The following R3HDM1 variants were observed in gnomAD, a reference collection of about 807,000 sequenced individuals.
R3HDM1 encodes the protein R3H domain-containing protein 1.
Under a neutral mutation model 141.1 loss-of-function variants are expected in R3HDM1, and 46 were observed. That is an observed-to-expected ratio of 0.33 (90% CI 0.26 to 0.42). The LOEUF (loss-of-function observed/expected upper bound fraction) is 0.42, where lower values mean the gene tolerates loss of function less well. Ranked by LOEUF, R3HDM1 falls within the 10% of genes least tolerant of loss-of-function variation. The pLI is 1.00. For missense variants in R3HDM1, 1,184 were observed against 1,368.3 expected (o/e 0.87, Z 2.12); for synonymous variants, 435 against 472.9 (o/e 0.92, Z 1.04).
chr2:135,634,800 A>G (rs1279824397), intron 9 of R3HDM1, among the ~76,000 whole-genome samples: 3 of 152,250 alleles, frequency 2.0e-5, no homozygotes, highest in South Asian at 2.1e-4. Flanking sequence ...TAGGAGTTCA[A>G]TGAGATTTTC....
At chr2:135,597,223 A>G in intron 1 of R3HDM1, 2 of 979,084 alleles carry the variant, frequency 2.0e-6, no homozygotes, top group Non-Finnish European at 1.2e-6. Context: ...AAGTGTCATC[A>G]TTAACCTCTT....
intron 21 of R3HDM1, among the ~76,000 whole-genome samples, chr2:135,682,401 G>T (rs536286038): frequency 6.6e-6 from 1 of 152,118 alleles, no homozygotes; most frequent in Non-Finnish European, 1.5e-5. Flanking sequence ...AAACAAAAAA[G>T]ATTTTGTGTG....
intron 21 of R3HDM1, among the ~76,000 whole-genome samples, chr2:135,701,898 G>T (rs1002187023): frequency 2.0e-5 from 3 of 152,084 alleles, no homozygotes; most frequent in African/African-American, 7.2e-5. Context: ...TCTGCCATGT[G>T]CTTATTTATC....
At chr2:135,626,799 C>T (rs2062096792) in intron 7 of R3HDM1, among the ~76,000 whole-genome samples, 1 of 152,112 alleles carries the variant, frequency 6.6e-6, no homozygotes, top group African/African-American at 2.4e-5. Flanking sequence ...GTAGCTATTC[C>T]TATGCTAATA....
intron 21 of R3HDM1, among the ~76,000 whole-genome samples, chr2:135,680,588 G>A (rs745584298): frequency 5.9e-5 from 9 of 152,210 alleles, no homozygotes; most frequent in Non-Finnish European, 1.2e-4. Flanking sequence ...TGGCCAACAT[G>A]GTGAAACCCC....
intron 1 of R3HDM1, among the ~76,000 whole-genome samples, chr2:135,548,609 A>T (rs1421289420): frequency 6.6e-6 from 1 of 151,650 alleles, no homozygotes; most frequent in Non-Finnish European, 1.5e-5. Context: ...AGAGGCAACA[A>T]CCAAAATTTC....
At chr2:135,603,380 TC>T (rs373720149) in intron 2 of R3HDM1, among the ~76,000 whole-genome samples, 2 of 150,806 alleles carry the variant, frequency 1.3e-5, no homozygotes, top group Non-Finnish European at 1.5e-5. Flanking sequence ...TTCACTGGTT[TC>T]CCCCCCGCCA....
At chr2:135,552,617 A>G (rs1463876816) in intron 1 of R3HDM1, among the ~76,000 whole-genome samples, 1 of 152,168 alleles carries the variant, frequency 6.6e-6, no homozygotes, top group Non-Finnish European at 1.5e-5. Flanking sequence ...CTTTTTTCAC[A>G]GCAAAAATAC....
intron 7 of R3HDM1, among the ~76,000 whole-genome samples, chr2:135,626,213 T>TGCG (rs1559280747): frequency 2.4e-5 from 3 of 124,002 alleles, no homozygotes; most frequent in East Asian, 2.5e-4. Context: ...GCGTGCGTGC[T>TGCG]TGCTTGCTTG....
At chr2:135,563,228 G>C (rs189429694) in intron 1 of R3HDM1, among the ~76,000 whole-genome samples, 157 of 152,256 alleles carry the variant, frequency 1.0e-3, no homozygotes, top group Middle Eastern at 3.4e-3. Context: ...TCTTGTGCTG[G>C]GGCCATATAA....
intron 21 of R3HDM1, among the ~76,000 whole-genome samples, chr2:135,703,355 G>A (rs975647529): frequency 2.0e-5 from 3 of 152,168 alleles, no homozygotes; most frequent in African/African-American, 7.2e-5. Context: ...TTTTATATGT[G>A]ATACTGGAAG....
chr2:135,697,324 G>A (rs1344229757), intron 21 of R3HDM1, among the ~76,000 whole-genome samples: 1 of 152,114 alleles, frequency 6.6e-6, no homozygotes, highest in Non-Finnish European at 1.5e-5. Context: ...ATTTGTAAAG[G>A]ATTATTATTT....
At chr2:135,570,399 C>T (rs1235760300) in intron 1 of R3HDM1, among the ~76,000 whole-genome samples, 1 of 152,080 alleles carries the variant, frequency 6.6e-6, no homozygotes, top group Non-Finnish European at 1.5e-5. Context: ...TACTTGCAAA[C>T]AAAAAATCTT....
At chr2:135,550,501 TTTCTC>T (rs1251725355) in intron 1 of R3HDM1, among the ~76,000 whole-genome samples, 1 of 152,184 alleles carries the variant, frequency 6.6e-6, no homozygotes, top group Admixed American at 6.5e-5. Context: ...GGGCTTATCT[TTTCTC>T]ATGTCATTTT....
chr2:135,630,633 C>G (rs1488299793), intron 7 of R3HDM1, among the ~76,000 whole-genome samples: 1 of 152,066 alleles, frequency 6.6e-6, no homozygotes, highest in African/African-American at 2.4e-5. Context: ...TGTAGACTTT[C>G]AGGTGACCAA....
intron 15 of R3HDM1, among the ~76,000 whole-genome samples, chr2:135,644,231 A>C (rs1309459155): frequency 6.6e-6 from 1 of 152,188 alleles, no homozygotes; most frequent in African/African-American, 2.4e-5. Flanking sequence ...AGCCAGGTGC[A>C]GTGGCTCACA....
intron 18 of R3HDM1, among the ~76,000 whole-genome samples, chr2:135,655,138 T>C (rs1313851477): frequency 6.6e-6 from 1 of 152,208 alleles, no homozygotes; most frequent in Non-Finnish European, 1.5e-5. Flanking sequence ...TCCTGTCTTT[T>C]AAGTGCTTTA....
chr2:135,723,778 CAAAAAAAAAAA>C (rs541423067), intron 26 of R3HDM1, among the ~76,000 whole-genome samples, 148 bp from the exon 27 acceptor site: 5 of 55,302 alleles, frequency 9.0e-5, no homozygotes, highest in Admixed American at 3.9e-4. Flanking sequence ...CTCCATCTCC[CAAAAAAAAAAA>C]AAAAAAAAAA....
intron 14 of R3HDM1, 115 bp downstream of exon 14, chr2:135,639,237 T>C: frequency 1.9e-6 from 2 of 1,029,548 alleles, no homozygotes; most frequent in East Asian, 5.2e-5. Context: ...TCACTATCAA[T>C]AGTACCTTGA....
Sources: allele counts gnomAD v4.1 joint callset (sites outside exome capture counted in the v4.1 genomes callset), GRCh38; gene constraint gnomAD v4.1.1; transcripts MANE v1.5; gene names NCBI Gene and HGNC (gene_info 2026-07-23, HGNC 2026-07-21).